SYT1: variants seen among roughly 807,000 people sequenced by gnomAD.
SYT1 encodes synaptotagmin-1.
A neutral mutation model predicts 44.8 loss-of-function variants in SYT1; 8 were observed. That is an observed-to-expected ratio of 0.18 (90% CI 0.10 to 0.32). The LOEUF (loss-of-function observed/expected upper bound fraction) is 0.32. Ranked by LOEUF, SYT1 falls within the 10% of genes least tolerant of loss-of-function variation. The probability of loss-of-function intolerance (pLI) is 1.00; values close to 1 mark genes in which losing one functional copy is unlikely to be tolerated. For missense variants in SYT1, 286 were observed against 509.3 expected (o/e 0.56, Z 4.22); for synonymous variants, 154 against 188.8 (o/e 0.82, Z 1.51).
chr12:79,198,147 G>A (rs1485141166), intron 3 of SYT1, among the ~76,000 whole-genome samples: 1 of 152,048 alleles, frequency 6.6e-6, no homozygotes, highest in Non-Finnish European at 1.5e-5. Flanking sequence ...AATTAGGAGG[G>A]AAAACAAATT....
chr12:79,080,127 A>G (rs1337743727), intron 3 of SYT1, among the ~76,000 whole-genome samples: 1 of 152,118 alleles, frequency 6.6e-6, no homozygotes, highest in Non-Finnish European at 1.5e-5. Flanking sequence ...GAGATTAAGC[A>G]TTTGACTAAT....
intron 3 of SYT1, among the ~76,000 whole-genome samples, chr12:79,083,556 AT>A (rs1161435231): frequency 6.6e-6 from 1 of 152,196 alleles, no homozygotes; most frequent in Non-Finnish European, 1.5e-5. Context: ...TAGCCATATG[AT>A]TTTTAAAAAG....
Position 79,173,010 on chromosome 12 carries a change from A to C in SYT1, c.-17-44493A>C, listed in dbSNP as rs1350227195. Among the ~76,000 whole-genome samples, 3 of 98,502 alleles carry C rather than the reference A, an allele frequency of 3.0e-5. No homozygotes were observed. The Admixed American group carries it at 3.3e-4, about 11-fold the overall frequency. 64.6% of individuals were successfully genotyped at this position (98,502 alleles called of 152,430 possible). On this transcript the variant is annotated intron_variant, in intron 3 of 10. Transcript: ENST00000261205. ...AAAAAAAAAAAAAAAAAAAAAAGGG[A>C]GTTTGGCCTGTCCAGAAATAAAATA...
At chr12:79,286,179 A>G (rs1292339635) in intron 5 of SYT1, among the ~76,000 whole-genome samples, 1 of 152,220 alleles carries the variant, frequency 6.6e-6, no homozygotes, top group African/African-American at 2.4e-5. Context: ...CATATAGAAC[A>G]GAAAAGGGCA....
intron 9 of SYT1, among the ~76,000 whole-genome samples, chr12:79,415,651 A>G (rs1868688843): frequency 6.6e-6 from 1 of 152,212 alleles, no homozygotes; most frequent in Non-Finnish European, 1.5e-5. Flanking sequence ...TTTTGCCTTC[A>G]TAAACAATAC....
chr12:79,346,138 C>G (rs781582743), intron 8 of SYT1, among the ~76,000 whole-genome samples: 1 of 152,160 alleles, frequency 6.6e-6, no homozygotes, highest in Non-Finnish European at 1.5e-5. Flanking sequence ...CCATCTTTTT[C>G]CACATAAAAC....
intron 1 of SYT1, among the ~76,000 whole-genome samples, chr12:78,921,405 T>C (rs1278039501): frequency 6.6e-6 from 1 of 152,006 alleles, no homozygotes; most frequent in Non-Finnish European, 1.5e-5. Context: ...AGTCAGTAGA[T>C]GCTAGTTATT....
chr12:79,227,772 G>C (rs1219823246), intron 4 of SYT1, among the ~76,000 whole-genome samples: 2 of 152,156 alleles, frequency 1.3e-5, no homozygotes, highest in Non-Finnish European at 2.9e-5. Flanking sequence ...AGGTGTCAAT[G>C]CATGTGAAGT....
chr12:78,987,098 T>C (rs1546590), intron 2 of SYT1, among the ~76,000 whole-genome samples: 8,375 of 152,120 alleles, frequency 0.055, 253 homozygotes, highest in Admixed American at 0.089. Flanking sequence ...GTTCAAAATA[T>C]TCTGCTGTTT....
intron 1 of SYT1, among the ~76,000 whole-genome samples, chr12:78,953,628 A>G (rs1879076463): frequency 6.6e-6 from 1 of 152,110 alleles, no homozygotes; most frequent in East Asian, 1.9e-4. Flanking sequence ...CAGCAAACAC[A>G]ATTTTTTGTA....
intron 9 of SYT1, among the ~76,000 whole-genome samples, chr12:79,374,473 T>A (rs1280246440): frequency 6.6e-6 from 1 of 152,236 alleles, no homozygotes; most frequent in Non-Finnish European, 1.5e-5. Flanking sequence ...TGATACCTAA[T>A]TTTTATTTTA....
intron 3 of SYT1, among the ~76,000 whole-genome samples, chr12:79,125,130 T>C (rs1868362168): frequency 6.6e-6 from 1 of 152,188 alleles, no homozygotes; most frequent in Non-Finnish European, 1.5e-5. Context: ...CCATCCATTT[T>C]TTGGTAAGCA....
intron 4 of SYT1, among the ~76,000 whole-genome samples, chr12:79,282,343 T>G (rs1879094176): frequency 6.6e-6 from 1 of 152,240 alleles, no homozygotes; most frequent in African/African-American, 2.4e-5. Context: ...AATTATTATG[T>G]ATCAATTTAC....
intron 3 of SYT1, among the ~76,000 whole-genome samples, chr12:79,153,533 G>GA (rs1163533866): frequency 6.6e-6 from 1 of 152,002 alleles, no homozygotes; most frequent in Non-Finnish European, 1.5e-5. Context: ...ATTATGACTG[G>GA]AAAAAATAAA....
At chr12:79,242,954 CA>C (rs1248817969) in intron 4 of SYT1, among the ~76,000 whole-genome samples, 2 of 152,148 alleles carry the variant, frequency 1.3e-5, no homozygotes, top group African/African-American at 4.8e-5. Flanking sequence ...AATGGACTCA[CA>C]GTACCATATG....
rs199999817 is a variant in SYT1, at chr12:79,308,612, A to AAAAGAAAG, written c.810+9101_810+9108dup. Among the ~76,000 whole-genome samples the AAAAGAAAG allele has an allele frequency of 2.3e-3, 304 of 134,314 alleles. 1 individual carries two copies. The highest frequency in any genetic ancestry group is 3.3e-3 in the Non-Finnish European group (205 of 61,734). The allele number at this position is 134,314 out of a possible 152,430, so 88.1% of individuals were successfully genotyped here. ...GAAAGAAGAAAGAAAGAAAGAAAGA[A>AAAAGAAAG]AAAGAAAGAAAGAAAGAAAGAAAGA... On this transcript the variant is annotated intron_variant, in intron 8 of 10. Transcript: ENST00000261205.
At chr12:79,421,689 T>C (rs1869127118) in intron 9 of SYT1, among the ~76,000 whole-genome samples, 1 of 150,660 alleles carries the variant, frequency 6.6e-6, no homozygotes, top group Admixed American at 6.6e-5. Flanking sequence ...AATGTGACAC[T>C]TTTTTTGTTT....
intron 8 of SYT1, among the ~76,000 whole-genome samples, chr12:79,339,784 AG>A (rs1286714960): frequency 6.6e-6 from 1 of 152,166 alleles, no homozygotes; most frequent in Non-Finnish European, 1.5e-5. Context: ...GTTTTCTTCT[AG>A]GGATTTTATG....
At chr12:78,997,790 C>T in intron 2 of SYT1, among the ~76,000 whole-genome samples, 1 of 151,794 alleles carries the variant, frequency 6.6e-6, no homozygotes, top group East Asian at 1.9e-4. Flanking sequence ...TAGCAGAGAA[C>T]ACTGCTGTTA....
Sources: gnomAD v4.1 joint callset for allele counts (sites outside exome capture counted in the v4.1 genomes callset) on GRCh38, gnomAD v4.1.1 for gene constraint, MANE v1.5 for transcripts, NCBI Gene and HGNC (gene_info 2026-07-23, HGNC 2026-07-21) for gene names.